APP: variants seen among roughly 807,000 people sequenced by gnomAD.
APP encodes the protein amyloid beta precursor protein, also known as amyloid-beta precursor protein.
A neutral mutation model predicts 101.4 loss-of-function variants in APP; 31 were observed. The ratio of observed to expected loss-of-function variants is 0.31; its 90% CI spans 0.23 to 0.41. APP has a LOEUF of 0.41. APP is among the 10% of genes least tolerant of loss of function. The probability of loss-of-function intolerance (pLI) is 1.00; values close to 1 mark genes in which losing one functional copy is unlikely to be tolerated. For synonymous variants in APP, 366 were observed against 364.4 expected, an observed-to-expected ratio of 1.00 and a Z score of -0.05; for missense variants, 839 against 1,003.7, an observed-to-expected ratio of 0.84 and a Z score of 2.22.
chr21:25,979,967 G>A (rs562443383), intron 9 of APP, among the ~76,000 whole-genome samples: 1 of 152,234 alleles, frequency 6.6e-6, no homozygotes, highest in African/African-American at 2.4e-5. Flanking sequence ...TAAATGAAAG[G>A]TAAGAGCAAT....
At chr21:25,930,324 G>T (rs2040087076) in intron 13 of APP, among the ~76,000 whole-genome samples, 1 of 152,166 alleles carries the variant, frequency 6.6e-6, no homozygotes, top group Non-Finnish European at 1.5e-5. Context: ...GAATGAATTG[G>T]GAAACAGTGC....
At chr21:25,894,097 G>T (rs1462170700) in intron 16 of APP, among the ~76,000 whole-genome samples, 2 of 152,144 alleles carry the variant, frequency 1.3e-5, no homozygotes, top group Non-Finnish European at 2.9e-5. Flanking sequence ...TAACAGCATG[G>T]TTTACTGAAT....
At chr21:26,061,615 G>A (rs190931088) in intron 3 of APP, among the ~76,000 whole-genome samples, 171 of 152,310 alleles carry the variant, frequency 1.1e-3, no homozygotes, top group Middle Eastern at 0.01. Context: ...TTCAGAGTGT[G>A]GGCAGTTACT....
chr21:26,112,057 A>G lies in APP; in HGVS notation c.147T>C (p.Asn49=). Residue 49 remains asparagine, a synonymous_variant, in exon 2 of 18, where the codon AAT becomes AAC. Coordinates refer to ENST00000346798, the MANE Select transcript of APP (RefSeq NM_000484.4). ...CTGATGGATCTGAATCCCACTTCCCATTCTGGACATTCATGTGCATGTTCA... is the reference window on the plus strand; with the variant it reads ...CTGATGGATCTGAATCCCACTTCCCGTTCTGGACATTCATGTGCATGTTCA... The part of the protein sequence containing the change: ...GRLNMHMNVQ[N]GKWDSDPSGT... 6 of 1,614,112 alleles carry G rather than the reference A, an allele frequency of 3.7e-6. No individual in the cohort carries two copies. Among genetic ancestry groups the G allele is most frequent in the South Asian group, 2.2e-5 (2 of 91,082 alleles).
At position 26,016,674 on chromosome 21, in the gene APP, C is replaced by T. The variant is rs201224427; in HGVS notation, c.865+5166G>A. Among the ~76,000 whole-genome samples, 13 of 152,192 alleles carry T rather than the reference C, an allele frequency of 8.5e-5. No homozygotes were observed. The East Asian group carries it at 2.3e-3, about 27-fold the overall frequency. On this transcript the variant is annotated intron_variant, in intron 6 of 17. Coordinates refer to ENST00000346798, the MANE Select transcript of APP (RefSeq NM_000484.4). ...GCAACCTCCGCCTCCTAGGTTCAAG[C>T]GATTCTCCTGCCTCAGCCTCCTGTG...
chr21:26,086,840 T>TACAGTATACA (rs1331366030), intron 3 of APP, among the ~76,000 whole-genome samples: 1 of 152,228 alleles, frequency 6.6e-6, no homozygotes, highest in African/African-American at 2.4e-5. Flanking sequence ...AACAAATTTT[T>TACAGTATACA]GTGTATACTG....
intron 9 of APP, among the ~76,000 whole-genome samples, chr21:25,977,057 G>T (rs552560609): frequency 6.6e-6 from 1 of 152,250 alleles, no homozygotes; most frequent in African/African-American, 2.4e-5. Context: ...GATTATCCAG[G>T]CTGGGGTATT....
intron 5 of APP, among the ~76,000 whole-genome samples, chr21:26,026,736 A>G (rs114679952): frequency 0.019 from 2,845 of 152,316 alleles, 86 homozygotes; most frequent in African/African-American, 0.065. Flanking sequence ...GATTTGGGGG[A>G]TAGTAAAAGT....
At chr21:25,997,307 C>A (rs949521808) in intron 8 of APP, 53 bp downstream of exon 8, 4 of 1,537,672 alleles carry the variant, frequency 2.6e-6, no homozygotes, top group Non-Finnish European at 2.7e-6. Context: ...GTTATGTGAA[C>A]CAAGCAGCAT....
At chr21:26,113,480 A>C (rs2062372070) in intron 1 of APP, among the ~76,000 whole-genome samples, 1 of 152,194 alleles carries the variant, frequency 6.6e-6, no homozygotes, top group Non-Finnish European at 1.5e-5. Flanking sequence ...AAAAAACAAA[A>C]CAGGTCTTAG....
intron 3 of APP, among the ~76,000 whole-genome samples, chr21:26,062,623 T>C (rs1019683277): frequency 2.0e-5 from 3 of 149,234 alleles, no homozygotes; most frequent in East Asian, 2.0e-4. Context: ...GATTGTGTCA[T>C]TGCACTCCAG....
rs750780239 is a variant in APP at position 25,897,474 on chromosome 21, T to C, written c.2064+99A>G. The C allele has an allele frequency of 3.1e-6, 3 of 962,366 alleles. No homozygotes were observed. The South Asian group carries it at 3.9e-5, about 12-fold the overall frequency. The allele number at this position is 962,366 out of a possible 1,614,324, so 59.6% of individuals were successfully genotyped here. A position where few individuals can be genotyped will look rare whatever the true frequency, so the allele number is the denominator to read the frequency against. On this transcript the variant is annotated intron_variant, in intron 16 of 17. Coordinates refer to ENST00000346798, the MANE Select transcript of APP (RefSeq NM_000484.4). ...CCTATAGGCAAGCATTGTATTTTTA[T>C]CTTTTCCTTAATTTGATTTCTAGCA...
rs10617724 is a variant in APP at position 26,139,879 on chromosome 21, AAAAC to A, written c.58-27737_58-27734del. On this transcript the variant is annotated intron_variant, in intron 1 of 17. Transcript: ENST00000346798. ...TGGCAACAGAGCGAGACTCCGTCTC[AAAAC>A]AAACAAACAAACAAACAAACAAACA... Among the ~76,000 whole-genome samples the A allele has an allele frequency of 0.61, 91,770 of 150,124 alleles. 28,159 individuals are homozygous for A. The highest frequency in any genetic ancestry group is 0.67 in the Middle Eastern group (195 of 290).
intron 2 of APP, among the ~76,000 whole-genome samples, chr21:26,100,428 G>A (rs2062030857): frequency 6.6e-6 from 1 of 152,156 alleles, no homozygotes; most frequent in South Asian, 2.1e-4. Context: ...GGTGAAGGGT[G>A]CCCATAGCAA....
intron 3 of APP, among the ~76,000 whole-genome samples, chr21:26,076,354 A>T (rs1031405601): frequency 7.3e-6 from 1 of 137,926 alleles, no homozygotes; most frequent in Non-Finnish European, 1.7e-5. Flanking sequence ...CATATGACTT[A>T]CATTAAAAAG....
chr21:26,047,167 A>T (rs1249986180), intron 5 of APP, among the ~76,000 whole-genome samples: 1 of 152,198 alleles, frequency 6.6e-6, no homozygotes, highest in Non-Finnish European at 1.5e-5. Flanking sequence ...CAATGAGGTC[A>T]TAAAACAGAG....
chr21:25,940,318 G>A (rs2040523351), intron 13 of APP, among the ~76,000 whole-genome samples: 1 of 152,136 alleles, frequency 6.6e-6, no homozygotes, highest in African/African-American at 2.4e-5. Context: ...AGATATGCCA[G>A]TGTATCTGTA....
chr21:26,089,907 C>T (rs764592084), intron 3 of APP, 36 bp downstream of exon 3: 6 of 1,613,274 alleles, frequency 3.7e-6, no homozygotes, highest in Middle Eastern at 3.3e-4. Flanking sequence ...AGACCAGGCC[C>T]CCAATCAACA....
intron 2 of APP, among the ~76,000 whole-genome samples, chr21:26,101,405 C>A (rs2062055628): frequency 6.6e-6 from 1 of 152,042 alleles, no homozygotes; most frequent in Non-Finnish European, 1.5e-5. Context: ...CCCAAGTTCT[C>A]TCTTTAAAAG....
Sources: allele counts gnomAD v4.1 joint callset (sites outside exome capture counted in the v4.1 genomes callset), GRCh38; gene constraint gnomAD v4.1.1; transcripts MANE v1.5; gene names NCBI Gene and HGNC (gene_info 2026-07-23, HGNC 2026-07-21).